CRTC3: variants seen among roughly 807,000 people sequenced by gnomAD.
CRTC3 encodes the protein CREB regulated transcription coactivator 3, also known as CREB-regulated transcription coactivator 3.
Under a neutral mutation model 74.5 loss-of-function variants are expected in CRTC3, and 26 were observed. The ratio of observed to expected loss-of-function variants is 0.35; its 90% confidence interval spans 0.26 to 0.48. CRTC3 has a LOEUF of 0.48. CRTC3 is among the 20% of genes least tolerant of loss of function. The probability of loss-of-function intolerance (pLI) is 0.99; values close to 1 mark genes in which losing one functional copy is unlikely to be tolerated. For missense variants in CRTC3, 760 were observed against 787.3 expected (o/e 0.97, Z 0.41); for synonymous variants, 377 against 325.8 (o/e 1.16, Z -1.69).
At chr15:90,566,261 C>G (rs976842737) in intron 2 of CRTC3, among the ~76,000 whole-genome samples, 1 of 152,066 alleles carries the variant, frequency 6.6e-6, no homozygotes, top group Non-Finnish European at 1.5e-5. Flanking sequence ...AGGAAAGAAG[C>G]CATCTCACCC....
At chr15:90,597,881 C>G (rs1967967084) in intron 3 of CRTC3, 2 of 152,484 alleles carry the variant, frequency 1.3e-5, no homozygotes, top group African/African-American at 4.8e-5. Flanking sequence ...CTCATATCCT[C>G]CCTTACAGTT....
intron 6 of CRTC3, 163 bp from the exon 7 acceptor site, chr15:90,614,290 G>A (rs1968434470): frequency 1.8e-6 from 1 of 556,296 alleles, no homozygotes; most frequent in Non-Finnish European, 3.2e-6. Flanking sequence ...CCTATTTTTA[G>A]TATAAATGAT....
intron 2 of CRTC3, among the ~76,000 whole-genome samples, chr15:90,544,659 A>G (rs779172205): frequency 3.9e-5 from 6 of 152,352 alleles, no homozygotes; most frequent in Non-Finnish European, 7.3e-5. Context: ...TTGCTAGATC[A>G]TACAGTAAGT....
At chr15:90,616,164 G>A (rs776955967) in intron 7 of CRTC3, among the ~76,000 whole-genome samples, 1 of 152,118 alleles carries the variant, frequency 6.6e-6, no homozygotes, top group Non-Finnish European at 1.5e-5. Flanking sequence ...GACAAAATAC[G>A]CTCTTCAAAA....
chr15:90,634,672 T>G, intron 11 of CRTC3: 1 of 588,972 alleles, frequency 1.7e-6, no homozygotes, highest in Non-Finnish European at 3.1e-6. Context: ...TGAGGGGCTG[T>G]CTCCTTGCGG....
intron 3 of CRTC3, among the ~76,000 whole-genome samples, chr15:90,601,556 G>A (rs897842603): frequency 1.3e-5 from 2 of 152,160 alleles, no homozygotes; most frequent in South Asian, 2.1e-4. Flanking sequence ...GGGAGGCTGA[G>A]GCAGGAGAAT....
intron 2 of CRTC3, among the ~76,000 whole-genome samples, chr15:90,554,597 C>T (rs559320210): frequency 2.0e-5 from 3 of 152,340 alleles, no homozygotes; most frequent in South Asian, 4.1e-4. Context: ...ACAACTACAG[C>T]GTAGGCTTGG....
At chr15:90,615,850 A>T (rs895045723) in intron 7 of CRTC3, among the ~76,000 whole-genome samples, 1 of 151,498 alleles carries the variant, frequency 6.6e-6, no homozygotes, top group Non-Finnish European at 1.5e-5. Flanking sequence ...ATTTATTTTT[A>T]TTTATTTTTA....
At chr15:90,628,432 C>T (rs1035929113) in intron 10 of CRTC3, among the ~76,000 whole-genome samples, 3 of 152,224 alleles carry the variant, frequency 2.0e-5, no homozygotes, top group East Asian at 1.9e-4. Context: ...CAGCAGCAGC[C>T]GAATAATTGA....
At chr15:90,558,759 TA>T (rs967252371) in intron 2 of CRTC3, among the ~76,000 whole-genome samples, 4 of 151,880 alleles carry the variant, frequency 2.6e-5, no homozygotes, top group Non-Finnish European at 4.4e-5. Flanking sequence ...TATACACATT[TA>T]TTTTTTTTTG....
Position 90,530,197 on chromosome 15 carries a change from G to A in CRTC3, c.126G>A (p.Leu42=), listed in dbSNP as rs188476026. Reference sequence around the variant, plus strand: ...AGCAGCTCATGACCGACCTCACCCTGTCGCGGGTGAGGGCCCGGGCCGGCG... The same window carrying A: ...AGCAGCTCATGACCGACCTCACCCTATCGCGGGTGAGGGCCCGGGCCGGCG... ...AFEQLMTDLT[L]SRVQFQKLQQ... The change falls in exon 1 of 15, where the codon CTG becomes CTA. Residue 42 remains leucine, a synonymous_variant. Transcript: ENST00000268184. This position sits in a 1 kb window ranked among gnomAD's most constrained non-coding sequence, Gnocchi z 6.2. The A allele has an allele frequency of 3.5e-4, 439 of 1,268,648 alleles. 1 individual carries two copies. The highest frequency in any genetic ancestry group is 2.5e-3 in the Middle Eastern group (9 of 3,616). The allele number at this position is 1,268,648 out of a possible 1,614,324, so 78.6% of individuals were successfully genotyped here.
At chr15:90,609,610 T>A (rs1234866122) in intron 6 of CRTC3, among the ~76,000 whole-genome samples, 1 of 152,172 alleles carries the variant, frequency 6.6e-6, no homozygotes, top group Admixed American at 6.6e-5. Context: ...CACAGGTAAT[T>A]CAAGTGAGGA....
intron 2 of CRTC3, among the ~76,000 whole-genome samples, chr15:90,547,896 T>C (rs1966847233): frequency 6.7e-6 from 1 of 148,630 alleles, no homozygotes; most frequent in South Asian, 2.1e-4. Context: ...ATCCTTTTTT[T>C]TTTTTTTTTT....
chr15:90,530,000 G>A lies in CRTC3; in HGVS notation c.-72G>A. The A allele has an allele frequency of 8.2e-7, 1 of 1,216,018 alleles. No homozygotes were observed. Among genetic ancestry groups the A allele is most frequent in the Non-Finnish European group, 1.0e-6 (1 of 959,088 alleles). The allele number at this position is 1,216,018 out of a possible 1,614,324, so 75.3% of individuals were successfully genotyped here. A position where few individuals can be genotyped will look rare whatever the true frequency, so the allele number is the denominator to read the frequency against. ...CGGGCGGCGGCCCCGGCGGCCTGTG[G>A]ACGGACGGGTGGGCCGAGGTACAGG... is the stretch of plus-strand genomic sequence containing the variant. On this transcript the variant is annotated 5_prime_UTR_variant, in exon 1 of 15. Transcript: ENST00000268184.
intron 11 of CRTC3, among the ~76,000 whole-genome samples, chr15:90,630,242 A>G (rs1968988365): frequency 6.6e-6 from 1 of 152,214 alleles, no homozygotes; most frequent in South Asian, 2.1e-4. Context: ...CTCTAAGTAC[A>G]TTAAGCCATA....
chr15:90,589,866 A>C (rs1406721687), intron 2 of CRTC3, among the ~76,000 whole-genome samples: 1 of 151,804 alleles, frequency 6.6e-6, no homozygotes, highest in African/African-American at 2.4e-5. Context: ...TTGTGCCTGT[A>C]ATCCCAGCTA....
At chr15:90,622,714 G>C (rs1007883793) in intron 9 of CRTC3, among the ~76,000 whole-genome samples, 3 of 152,074 alleles carry the variant, frequency 2.0e-5, no homozygotes, top group African/African-American at 7.2e-5. Context: ...TGCTGGGTAT[G>C]GTAGTACATG....
chr15:90,643,131 C>T lies in CRTC3; in HGVS notation c.*991C>T, dbSNP rs1318078607. 4.3e-6 allele frequency: 1 copy of T among 232,156 alleles called. No homozygotes were observed. Among genetic ancestry groups the T allele is most frequent in the Non-Finnish European group, 8.5e-6 (1 of 117,420 alleles). 14.4% of individuals were successfully genotyped at this position (232,156 alleles called of 1,614,324 possible). A position where few individuals can be genotyped will look rare whatever the true frequency, so the allele number is the denominator to read the frequency against. On this transcript the variant is annotated 3_prime_UTR_variant, in exon 15 of 15. Coordinates refer to ENST00000268184, the MANE Select transcript of CRTC3 (RefSeq NM_022769.5). ...CTTGAGGGCAGGGACAGTGCCTTAT[C>T]ATTGTTGAACCCGTAGCACCTAACA... is the stretch of plus-strand genomic sequence containing the variant.
intron 11 of CRTC3, among the ~76,000 whole-genome samples, chr15:90,633,890 C>T (rs75062850): frequency 6.6e-6 from 1 of 151,950 alleles, no homozygotes; most frequent in East Asian, 1.9e-4. Context: ...TTTCTGCTCT[C>T]ATTTTTAAAT....
Sources: gnomAD v4.1 joint callset for allele counts (sites outside exome capture counted in the v4.1 genomes callset) on GRCh38, gnomAD v4.1.1 for gene constraint, Gnocchi (gnomAD v3.1) non-coding constraint, MANE v1.5 for transcripts, NCBI Gene and HGNC (gene_info 2026-07-23, HGNC 2026-07-21) for gene names.